The following ANO10 variants were observed in gnomAD, a reference collection of about 807,000 sequenced individuals.
ANO10 encodes the protein anoctamin-10.
In ANO10, 77 loss-of-function variants were observed where a neutral mutation model predicts 74.7. That is an observed-to-expected ratio of 1.03 (90% confidence interval 0.86 to 1.25). The LOEUF is 1.25. ANO10 is among the 50% of genes most tolerant of loss of function. ANO10 has a pLI of 0.00. For synonymous variants in ANO10, 279 were observed against 284.9 expected (o/e 0.98, Z 0.21); for missense variants, 721 against 778.1 (o/e 0.93, Z 0.87).
intron 1 of ANO10, among the ~76,000 whole-genome samples, chr3:43,644,794 C>T (rs2083709276): frequency 6.6e-6 from 1 of 152,254 alleles, no homozygotes; most frequent in Non-Finnish European, 1.5e-5. Flanking sequence ...CTTCCTCCCA[C>T]TTGCCCTTCA....
At chr3:43,401,050 G>C (rs1014083990) in intron 12 of ANO10, among the ~76,000 whole-genome samples, 1 of 152,188 alleles carries the variant, frequency 6.6e-6, no homozygotes, top group Non-Finnish European at 1.5e-5. Context: ...TGTATTTCCA[G>C]TATCTAGTCA....
intron 1 of ANO10, among the ~76,000 whole-genome samples, chr3:43,654,443 TCTAA>T (rs72080310): frequency 0.055 from 8,398 of 152,198 alleles, 354 homozygotes; most frequent in South Asian, 0.12. Flanking sequence ...TTCACTGACC[TCTAA>T]CTGAGAGTTA....
chr3:43,508,963 GA>G (rs71615392), intron 11 of ANO10, among the ~76,000 whole-genome samples: 3 of 145,482 alleles, frequency 2.1e-5, no homozygotes, highest in Admixed American at 6.8e-5. Flanking sequence ...AAAAAGAAAA[GA>G]AAAAAAGAAA....
intron 11 of ANO10, among the ~76,000 whole-genome samples, chr3:43,537,882 T>C (rs1246435685): frequency 6.6e-6 from 1 of 152,102 alleles, no homozygotes; most frequent in Non-Finnish European, 1.5e-5. Flanking sequence ...TCACATAGTT[T>C]CTAATTTAAT....
chr3:43,581,793 TAGCTA>T (rs149646458), intron 4 of ANO10, among the ~76,000 whole-genome samples: 93,930 of 151,102 alleles, frequency 0.62, 29,646 homozygotes, highest in East Asian at 0.89. Flanking sequence ...TGGTGGTGAG[TAGCTA>T]GCCTGTAGTC....
intron 1 of ANO10, among the ~76,000 whole-genome samples, chr3:43,615,051 TGTAAA>T (rs1185956281): frequency 6.6e-6 from 1 of 151,220 alleles, no homozygotes; most frequent in Non-Finnish European, 1.5e-5. Flanking sequence ...AGGTAAAAAA[TGTAAA>T]GTATGATCAT....
At chr3:43,506,728 C>T (rs900220117) in intron 11 of ANO10, among the ~76,000 whole-genome samples, 4 of 152,158 alleles carry the variant, frequency 2.6e-5, no homozygotes, top group Non-Finnish European at 5.9e-5. Context: ...TAGGTATCTG[C>T]ATGGCTTTCC....
intron 11 of ANO10, among the ~76,000 whole-genome samples, chr3:43,497,732 G>T (rs1234530457): frequency 2.6e-5 from 4 of 152,184 alleles, no homozygotes; most frequent in Non-Finnish European, 5.9e-5. Flanking sequence ...TTGCATGGGG[G>T]AGGGAAGCAG....
At chr3:43,444,919 C>A (rs375060144) in intron 11 of ANO10, among the ~76,000 whole-genome samples, 5 of 151,888 alleles carry the variant, frequency 3.3e-5, no homozygotes, top group African/African-American at 1.2e-4. Flanking sequence ...GTCAGGAGAT[C>A]GAGACCATCC....
intron 1 of ANO10, among the ~76,000 whole-genome samples, chr3:43,616,198 G>C (rs556071294): frequency 6.6e-6 from 1 of 152,242 alleles, no homozygotes; most frequent in Admixed American, 6.5e-5. Context: ...CTTTAAGAGG[G>C]GAAGGAATCT....
At chr3:43,678,346 C>T (rs531362667) in intron 1 of ANO10, among the ~76,000 whole-genome samples, 124 of 152,294 alleles carry the variant, frequency 8.1e-4, no homozygotes, top group African/African-American at 2.7e-3. Flanking sequence ...CTTATCCCCA[C>T]TTTCTGCCTC....
chr3:43,589,744 T>A (rs2081642043), intron 4 of ANO10, among the ~76,000 whole-genome samples: 1 of 152,252 alleles, frequency 6.6e-6, no homozygotes, highest in Admixed American at 6.5e-5. Flanking sequence ...TACTTTATTT[T>A]TAATGAAAAC....
intron 11 of ANO10, among the ~76,000 whole-genome samples, chr3:43,476,039 T>C (rs1321981382): frequency 6.6e-6 from 1 of 152,254 alleles, no homozygotes; most frequent in Non-Finnish European, 1.5e-5. Context: ...CCATGGCCAT[T>C]ATCTCATATT....
chr3:43,448,188 A>T (rs1167315618), intron 11 of ANO10, among the ~76,000 whole-genome samples: 1 of 152,210 alleles, frequency 6.6e-6, no homozygotes, highest in East Asian at 1.9e-4. Context: ...CATGAAAAAT[A>T]AATGCCATTT....
intron 1 of ANO10, among the ~76,000 whole-genome samples, chr3:43,643,406 A>T (rs982621170): frequency 6.6e-6 from 1 of 151,858 alleles, no homozygotes; most frequent in Non-Finnish European, 1.5e-5. Flanking sequence ...AATTTTGCTC[A>T]ATTTTGCCAA....
chr3:43,681,767 T>C (rs1485386937), intron 1 of ANO10, among the ~76,000 whole-genome samples: 1 of 152,192 alleles, frequency 6.6e-6, no homozygotes, highest in Admixed American at 6.5e-5. Context: ...AACTCAGGAT[T>C]AAGAAACTCA....
At position 43,648,913 on chromosome 3, in the gene ANO10, G is replaced by A. The variant is rs557562915; in HGVS notation, c.-12+42604C>T. On this transcript the variant is annotated intron_variant, in intron 1 of 3. Coordinates refer to the ANO10 transcript ENST00000413397. The stretch of plus-strand genomic sequence containing the variant: ...AGGATAGTCTCCATCTCCTGACCTC[G>A]TGATCCGCCCATCTTGGCCTCCCAA... 5.3e-5 allele frequency among the ~76,000 whole-genome samples: 8 copies of A among 152,206 alleles called. No homozygotes were observed. The South Asian group carries it at 8.3e-4, about 16-fold the overall frequency.
chr3:43,507,517 A>G (rs907111569), intron 11 of ANO10, among the ~76,000 whole-genome samples: 5 of 151,996 alleles, frequency 3.3e-5, no homozygotes, highest in African/African-American at 2.4e-5. Context: ...TTAGAAGCAG[A>G]CCAGTCAGCA....
intron 1 of ANO10, among the ~76,000 whole-genome samples, chr3:43,654,184 T>G (rs149783851): frequency 8.5e-5 from 13 of 152,228 alleles, no homozygotes; most frequent in African/African-American, 3.1e-4. Context: ...TTCTGGAATT[T>G]GCCAACACAG....
Sources: allele counts gnomAD v4.1 joint callset (sites outside exome capture counted in the v4.1 genomes callset), GRCh38; gene constraint gnomAD v4.1.1; transcripts MANE v1.5; gene names NCBI Gene and HGNC (gene_info 2026-07-23, HGNC 2026-07-21).